Variants in PTPRD observed in about 807,000 individuals in gnomAD.
The protein encoded by PTPRD is receptor-type tyrosine-protein phosphatase delta.
A neutral mutation model predicts 214.5 loss-of-function variants in PTPRD; 34 were observed. The ratio of observed to expected loss-of-function variants is 0.16; its 90% CI spans 0.12 to 0.21. PTPRD has a LOEUF of 0.21. PTPRD is among the 10% of genes least tolerant of loss of function. The probability of loss-of-function intolerance (pLI) is 1.00; values close to 1 mark genes in which losing one functional copy is unlikely to be tolerated. For synonymous variants in PTPRD, 1,128 were observed against 845.7 expected, an observed-to-expected ratio of 1.33 and a Z score of -5.79; for missense variants, 2,545 against 2,398.7, an observed-to-expected ratio of 1.06 and a Z score of -1.27.
intron 3 of PTPRD, among the ~76,000 whole-genome samples, chr9:10,055,043 T>C (rs1269017541): frequency 6.6e-6 from 1 of 152,084 alleles, no homozygotes; most frequent in Non-Finnish European, 1.5e-5. Context: ...TTTTTCTATC[T>C]CTCTGCCATG....
intron 11 of PTPRD, among the ~76,000 whole-genome samples, chr9:8,793,977 C>T (rs574049009): frequency 6.6e-6 from 1 of 152,206 alleles, no homozygotes; most frequent in African/African-American, 2.4e-5. Context: ...CTTCGATTCC[C>T]TGCAGCACAG....
In PTPRD at chr9:10,103,806, G is replaced by C. The variant is rs181582404; in HGVS notation, c.-544-70016C>G. Among the ~76,000 whole-genome samples the C allele has an allele frequency of 2.6e-5, 4 of 151,708 alleles. No individual in the cohort carries two copies. The East Asian group carries it at 7.8e-4, about 30-fold the overall frequency. On this transcript the variant is annotated intron_variant, in intron 3 of 45. Coordinates refer to ENST00000381196, the MANE Select transcript of PTPRD (RefSeq NM_002839.4). ...GGCCAATATATCATGTTCTTGCTTGGTGTTCTCAAGAATTTAGAAAAATTA... is the reference window on the plus strand; with the variant it reads ...GGCCAATATATCATGTTCTTGCTTGCTGTTCTCAAGAATTTAGAAAAATTA...
At chr9:8,932,371 T>C (rs143872578) in intron 11 of PTPRD, among the ~76,000 whole-genome samples, 27,204 of 152,192 alleles carry the variant, frequency 0.18, 2,663 homozygotes, top group Non-Finnish European at 0.21. Context: ...TTTGTTCTCA[T>C]TGGTTTCAAA....
At chr9:9,695,141 T>C (rs2097348500) in intron 7 of PTPRD, among the ~76,000 whole-genome samples, 1 of 152,166 alleles carries the variant, frequency 6.6e-6, no homozygotes, top group African/African-American at 2.4e-5. Context: ...CTGGTGGTTA[T>C]TCAGGGCTCA....
At chr9:9,036,442 A>C (rs1039081441) in intron 10 of PTPRD, among the ~76,000 whole-genome samples, 1 of 152,146 alleles carries the variant, frequency 6.6e-6, no homozygotes, top group African/African-American at 2.4e-5. Context: ...CATGATATTA[A>C]ATATAATGTA....
intron 11 of PTPRD, among the ~76,000 whole-genome samples, chr9:8,963,423 TG>T (rs1287471701): frequency 1.3e-5 from 2 of 152,158 alleles, no homozygotes; most frequent in African/African-American, 4.8e-5. Flanking sequence ...TTATGCATTT[TG>T]TATGTGTTAT....
chr9:9,048,568 C>T (rs1179778790), intron 10 of PTPRD, among the ~76,000 whole-genome samples: 4 of 152,074 alleles, frequency 2.6e-5, no homozygotes, highest in African/African-American at 7.2e-5. Flanking sequence ...AGACTAACAT[C>T]GTATGTTCTC....
rs531254204 is a variant in PTPRD, at chr9:9,265,279, A to G, written c.-202-81916T>C. Among the ~76,000 whole-genome samples, 9 of 151,704 alleles carry G rather than the reference A, an allele frequency of 5.9e-5. No individual in the cohort carries two copies. In the South Asian group the frequency reaches 1.9e-3, roughly 31 times the overall value. ...GACTTGTGTTTATTTATTTATTTTT[A>G]GAGATAGCATCTCATTCTGTCACCT... On this transcript the variant is annotated intron_variant, in intron 9 of 45. Coordinates refer to ENST00000381196, the MANE Select transcript of PTPRD (RefSeq NM_002839.4).
At chr9:8,665,396 T>C (rs1454931498) in intron 12 of PTPRD, among the ~76,000 whole-genome samples, 1 of 152,192 alleles carries the variant, frequency 6.6e-6, no homozygotes, top group Non-Finnish European at 1.5e-5. Context: ...TTGCTTTTAA[T>C]GTAATTACTT....
At chr9:9,137,749 C>T (rs1023508573) in intron 10 of PTPRD, among the ~76,000 whole-genome samples, 138 of 152,108 alleles carry the variant, frequency 9.1e-4, no homozygotes, top group African/African-American at 3.3e-3. Flanking sequence ...GTTTCTCTGA[C>T]AGTTGTATAT....
intron 5 of PTPRD, among the ~76,000 whole-genome samples, chr9:9,778,613 C>G (rs2098818221): frequency 6.6e-6 from 1 of 152,074 alleles, no homozygotes; most frequent in Non-Finnish European, 1.5e-5. Context: ...CCCTGTCTGC[C>G]CCCTCCTAGG....
intron 3 of PTPRD, among the ~76,000 whole-genome samples, chr9:10,179,800 C>G (rs1035334095): frequency 3.3e-5 from 5 of 152,030 alleles, no homozygotes; most frequent in African/African-American, 1.2e-4. Context: ...GGCTAAACAG[C>G]CTACCCTCTT....
At chr9:10,222,734 C>A (rs991600339) in intron 3 of PTPRD, among the ~76,000 whole-genome samples, 2 of 151,970 alleles carry the variant, frequency 1.3e-5, no homozygotes, top group Non-Finnish European at 2.9e-5. Flanking sequence ...AATGACTATG[C>A]AATTCCTAAT....
intron 9 of PTPRD, among the ~76,000 whole-genome samples, chr9:9,295,949 A>G (rs1952857974): frequency 6.6e-6 from 1 of 151,716 alleles, no homozygotes; most frequent in African/African-American, 2.4e-5. Flanking sequence ...AGGTTGGATT[A>G]ATTTTCTGGA....
chr9:10,114,170 C>T (rs958957780), intron 3 of PTPRD, among the ~76,000 whole-genome samples: 1 of 152,142 alleles, frequency 6.6e-6, no homozygotes. Flanking sequence ...TTATATAAGT[C>T]ATTCAATCCC....
chr9:8,641,307 CAA>C lies in PTPRD; in HGVS notation c.65-4465_65-4464del, dbSNP rs199786456. On this transcript the variant is annotated intron_variant, in intron 12 of 45. Transcript: ENST00000381196. ...AACCATCAGTATTATAGTTAGTGTA[CAA>C]AAAAAAGAAATATCAAGGTATAAAG... is the stretch of plus-strand genomic sequence containing the variant. Among the ~76,000 whole-genome samples the C allele has an allele frequency of 2.0e-5, 3 of 147,414 alleles. No homozygotes were observed. In the South Asian group the frequency reaches 6.3e-4, roughly 31 times the overall value.
At chr9:10,512,697 A>T (rs2048705760) in intron 2 of PTPRD, among the ~76,000 whole-genome samples, 1 of 152,124 alleles carries the variant, frequency 6.6e-6, no homozygotes, top group African/African-American at 2.4e-5. Flanking sequence ...TTGTGGGTGG[A>T]GAGTACAGGA....
intron 8 of PTPRD, among the ~76,000 whole-genome samples, chr9:9,487,395 C>T (rs950790313): frequency 6.6e-6 from 1 of 152,070 alleles, no homozygotes; most frequent in South Asian, 2.1e-4. Flanking sequence ...CGAACTCATC[C>T]TTTTTTATGG....
chr9:8,329,471 C>G (rs1837452074), intron 44 of PTPRD, among the ~76,000 whole-genome samples: 1 of 152,118 alleles, frequency 6.6e-6, no homozygotes, highest in African/African-American at 2.4e-5. Context: ...TGAGGTGTCA[C>G]CCAGTCAGGA....
Sources: allele counts gnomAD v4.1 joint callset (sites outside exome capture counted in the v4.1 genomes callset), GRCh38; gene constraint gnomAD v4.1.1; transcripts MANE v1.5; gene names NCBI Gene and HGNC (gene_info 2026-07-23, HGNC 2026-07-21).